The following ASPSCR1 variants were observed in gnomAD, a reference collection of about 807,000 sequenced individuals.
The protein encoded by ASPSCR1 is ASPSCR1 tether for SLC2A4, UBX domain containing, also known as tether containing UBX domain for GLUT4.
In ASPSCR1, 55 loss-of-function variants were observed where a neutral mutation model predicts 68.9. That is an observed-to-expected ratio of 0.80 (90% CI 0.64 to 1.00). The LOEUF (loss-of-function observed/expected upper bound fraction) is 1.00. Among genes scored for constraint, ASPSCR1 ranks in the 50% least tolerant of loss-of-function variants. The pLI is 0.00. For synonymous variants in ASPSCR1, 352 were observed against 332.6 expected (o/e 1.06, Z -0.63); for missense variants, 765 against 762.2 (o/e 1.00, Z -0.04).
intron 7 of ASPSCR1, chr17:82,004,281 C>T (rs115633099): frequency 0.022 from 3,386 of 152,402 alleles, 123 homozygotes; most frequent in African/African-American, 0.077. Context: ...CCCGGCATCC[C>T]GGACAGCGTC....
At chr17:82,003,762 G>A (rs779650888) in intron 7 of ASPSCR1, among the ~76,000 whole-genome samples, 7 of 152,246 alleles carry the variant, frequency 4.6e-5, no homozygotes, top group Non-Finnish European at 7.3e-5. Flanking sequence ...CACAGAGCCC[G>A]CGCCCACGCC....
intron 12 of ASPSCR1, 185 bp from the exon 13 acceptor site, chr17:82,016,291 C>A: frequency 1.6e-6 from 1 of 614,114 alleles, no homozygotes; most frequent in Admixed American, 3.0e-5. Context: ...CCAGGACGCC[C>A]TGGCCTTGCT....
intron 6 of ASPSCR1, 110 bp from the exon 7 acceptor site, chr17:81,996,310 G>A: frequency 6.8e-7 from 1 of 1,473,758 alleles, no homozygotes; most frequent in South Asian, 1.4e-5. Flanking sequence ...GGGTGAACCG[G>A]GGGCGGGAGA....
At chr17:81,985,251 T>C (rs1429020360) in intron 3 of ASPSCR1, among the ~76,000 whole-genome samples, 1 of 151,032 alleles carries the variant, frequency 6.6e-6, no homozygotes, top group Non-Finnish European at 1.5e-5. Flanking sequence ...CACACACATA[T>C]GCACACACGC....
In ASPSCR1 at chr17:81,986,878, G is replaced by A. The variant is rs927944010; in HGVS notation, c.374+1271G>A. Among the ~76,000 whole-genome samples the A allele has an allele frequency of 5.3e-5, 8 of 152,198 alleles. No homozygotes were observed. Among genetic ancestry groups the A allele is most frequent in the East Asian group, 1.9e-4 (1 of 5,194 alleles). On this transcript the variant is annotated intron_variant, in intron 4 of 15. Coordinates refer to ENST00000306739, the MANE Select transcript of ASPSCR1 (RefSeq NM_024083.4). This position sits in a 1 kb window ranked among gnomAD's most constrained non-coding sequence, Gnocchi z 5.2. Reference sequence around the variant, plus strand: ...TGGGTGAGAGCGCTGAGGTCTGCACGTCGGGTCTCAGTGGTCATGGGGATG... The same window carrying A: ...TGGGTGAGAGCGCTGAGGTCTGCACATCGGGTCTCAGTGGTCATGGGGATG...
intron 12 of ASPSCR1, chr17:82,016,154 G>T: frequency 2.7e-6 from 1 of 370,114 alleles, no homozygotes; most frequent in Non-Finnish European, 5.0e-6. Flanking sequence ...GCCACGCCTG[G>T]CCCCACCTTC....
rs62078703 is a variant in ASPSCR1, at chr17:81,983,024, A to T, written c.159-530A>T. ...AGAGATGGGATATTTTTGTATTTTC[A>T]GTAGAGACGGGGTTTCACCATGTTG... On this transcript the variant is annotated intron_variant, in intron 2 of 15. Coordinates refer to ENST00000306739, the MANE Select transcript of ASPSCR1 (RefSeq NM_024083.4). This position sits in a 1 kb window ranked among gnomAD's most constrained non-coding sequence, Gnocchi z 4.4. 6.6e-6 allele frequency among the ~76,000 whole-genome samples: 1 copy of T among 152,126 alleles called. No individual in the cohort carries two copies. The highest frequency in any genetic ancestry group is 2.4e-5 in the African/African-American group (1 of 41,432).
intron 2 of ASPSCR1, among the ~76,000 whole-genome samples, chr17:81,982,884 C>T (rs2041841025): frequency 2.0e-5 from 3 of 151,828 alleles, no homozygotes; most frequent in African/African-American, 4.8e-5. Flanking sequence ...CATGATCTTG[C>T]CTCACTGCAG....
chr17:82,010,470 A>G (rs2042894594), intron 9 of ASPSCR1, among the ~76,000 whole-genome samples: 1 of 147,940 alleles, frequency 6.8e-6, no homozygotes, highest in Non-Finnish European at 1.5e-5. Flanking sequence ...TGGAGCTTAC[A>G]GTGAGCCGAG....
chr17:81,979,266 G>T, intron 2 of ASPSCR1, 27 bp downstream of exon 2: 1 of 1,609,778 alleles, frequency 6.2e-7, no homozygotes, highest in Non-Finnish European at 8.5e-7. Context: ...TCAGCAGCAG[G>T]GTCTGAGTAT....
At chr17:82,004,141 C>T (rs115570592) in intron 7 of ASPSCR1, among the ~76,000 whole-genome samples, 2,937 of 152,346 alleles carry the variant, frequency 0.019, 98 homozygotes, top group African/African-American at 0.067. Flanking sequence ...GGCAGTGTCC[C>T]GGCCTGTGTG....
intron 7 of ASPSCR1, among the ~76,000 whole-genome samples, chr17:81,998,943 C>T (rs1401141335): frequency 1.3e-5 from 2 of 152,230 alleles, no homozygotes; most frequent in African/African-American, 2.4e-5. Flanking sequence ...CTGACCCTCT[C>T]CCTCACGCCT....
At chr17:82,011,731 G>A (rs937330911) in intron 11 of ASPSCR1, 126 bp downstream of exon 11, 5 of 1,021,736 alleles carry the variant, frequency 4.9e-6, no homozygotes, top group South Asian at 3.0e-5. Flanking sequence ...GTGGCCTCCC[G>A]CCCAGGTGCC....
At chr17:82,016,440 C>G in intron 12 of ASPSCR1, 36 bp from the exon 13 acceptor site, 2 of 1,534,830 alleles carry the variant, frequency 1.3e-6, no homozygotes. Context: ...GTGCTCTGCC[C>G]ACACCCGGCC....
Position 81,991,724 on chromosome 17 carries a change from G to A in ASPSCR1, c.375-3097G>A, listed in dbSNP as rs539685772. Among the ~76,000 whole-genome samples, 146 of 152,370 alleles carry A rather than the reference G, an allele frequency of 9.6e-4. 1 individual carries two copies. The highest frequency in any genetic ancestry group is 3.4e-3 in the African/African-American group (142 of 41,586). ...TGGCGGCTGGGCTGTCATGTGGTGG[G>A]TGATGCCCTCTGCGGGCCTCCCTGA... On this transcript the variant is annotated intron_variant, in intron 4 of 15. Coordinates refer to ENST00000306739, the MANE Select transcript of ASPSCR1 (RefSeq NM_024083.4).
rs1453166326 is a variant in ASPSCR1, at chr17:82,016,792, C to T, written c.1406-8C>T. On this transcript the variant is annotated splice_region_variant and splice_polypyrimidine_tract_variant and intron_variant, in intron 13 of 15. Coordinates refer to ENST00000306739, the MANE Select transcript of ASPSCR1 (RefSeq NM_024083.4). Reference sequence around the variant, plus strand: ...AGAGGCTCAGGGTGAGCTTGGGCCTCCCTGCAGGTGTCTACCTGGAGCCTG... The same window carrying T: ...AGAGGCTCAGGGTGAGCTTGGGCCTTCCTGCAGGTGTCTACCTGGAGCCTG... The T allele has an allele frequency of 1.9e-6, 3 of 1,608,254 alleles. No homozygotes were observed. The highest frequency in any genetic ancestry group is 1.1e-5 in the South Asian group (1 of 90,922).
At chr17:82,002,077 G>C (rs529199628) in intron 7 of ASPSCR1, among the ~76,000 whole-genome samples, 1 of 141,182 alleles carries the variant, frequency 7.1e-6, no homozygotes, top group African/African-American at 2.7e-5. Flanking sequence ...GCACAATTAC[G>C]GCTCACAGCA....
intron 15 of ASPSCR1, 40 bp from the exon 16 acceptor site, chr17:82,017,269 G>GC: frequency 1.2e-6 from 2 of 1,609,206 alleles, no homozygotes; most frequent in South Asian, 2.2e-5. Context: ...GGTGGTGAGA[G>GC]CCCGGGGTGT....
intron 2 of ASPSCR1, among the ~76,000 whole-genome samples, chr17:81,981,410 G>A (rs531529289): frequency 2.0e-5 from 3 of 152,250 alleles, no homozygotes; most frequent in African/African-American, 2.4e-5. Context: ...GTGGAGTCTC[G>A]CTCTGTCACA....
Sources: gnomAD v4.1 joint callset for allele counts (sites outside exome capture counted in the v4.1 genomes callset) on GRCh38, gnomAD v4.1.1 for gene constraint, Gnocchi (gnomAD v3.1) non-coding constraint, MANE v1.5 for transcripts, NCBI Gene and HGNC (gene_info 2026-07-23, HGNC 2026-07-21) for gene names.